NCOR2: variants seen among roughly 807,000 people sequenced by gnomAD.
NCOR2 encodes the protein nuclear receptor corepressor 2, also known as CTG repeat protein 26.
NCOR2 carries 81 observed loss-of-function variants against 262.9 expected under a neutral mutation model. The ratio of observed to expected loss-of-function variants is 0.31; its 90% CI spans 0.26 to 0.37. The LOEUF is 0.37. Among genes scored for constraint, NCOR2 ranks in the 10% least tolerant of loss-of-function variants. The pLI is 1.00. For synonymous variants in NCOR2, 1,659 were observed against 1,559.3 expected (o/e 1.06, Z -1.51); for missense variants, 3,385 against 3,621.4 (o/e 0.93, Z 1.68).
chr12:124,507,379 A>T (rs893841480), intron 1 of NCOR2, among the ~76,000 whole-genome samples: 4 of 151,976 alleles, frequency 2.6e-5, no homozygotes, highest in Admixed American at 6.5e-5. Context: ...ATTAAACAAC[A>T]CCTCCTCCAG....
intron 1 of NCOR2, among the ~76,000 whole-genome samples, chr12:124,488,802 G>A (rs765879846): frequency 9.2e-5 from 14 of 152,206 alleles, no homozygotes; most frequent in Admixed American, 1.3e-4. Context: ...CAGGGCGGAC[G>A]GTCCAGTCCC....
intron 13 of NCOR2, among the ~76,000 whole-genome samples, chr12:124,411,267 C>T (rs1000652380): frequency 1.2e-4 from 18 of 151,880 alleles, no homozygotes; most frequent in African/African-American, 4.3e-4. Context: ...TGCGCGCATA[C>T]ACACACAGAG....
chr12:124,445,819 G>C (rs550759355), intron 7 of NCOR2, among the ~76,000 whole-genome samples: 2 of 152,234 alleles, frequency 1.3e-5, no homozygotes. Flanking sequence ...AATATTTGTC[G>C]AATGAATGAG....
chr12:124,411,024 G>A (rs1384590521), intron 13 of NCOR2, among the ~76,000 whole-genome samples: 21 of 149,456 alleles, frequency 1.4e-4, no homozygotes, highest in African/African-American at 5.0e-4. Context: ...CCAGGGACAG[G>A]GTGAGGAGGG....
At position 124,549,152 on chromosome 12, in the gene NCOR2, A is replaced by C. The variant is rs2051632235; in HGVS notation, c.-164-13541T>G. Among the ~76,000 whole-genome samples, 1 of 151,950 alleles carries C rather than the reference A, an allele frequency of 6.6e-6. No individual in the cohort carries two copies. ...CTGAGCCAGGGAGCTAACCTCTCTG[A>C]GCCTTCGCTGCTTGCCTGGCAATGA... is the stretch of plus-strand genomic sequence containing the variant. On this transcript the variant is annotated intron_variant, in intron 1 of 32. Coordinates refer to the NCOR2 transcript ENST00000458234. The surrounding 1 kb of genome is among the most constrained non-coding windows in gnomAD (Gnocchi z 4.4).
exon 47 of NCOR2, chr12:124,325,387 C>CA (rs2034538671): frequency 1.5e-5 from 10 of 655,900 alleles, no homozygotes; most frequent in East Asian, 7.5e-5. Context: ...GCCCCCCCCC[C>CA]CGCCCTGTTC....
chr12:124,439,343 AGAGAGAGAGGGAGACAGAGACCCG>A (rs2044666078), intron 7 of NCOR2, among the ~76,000 whole-genome samples: 3 of 67,912 alleles, frequency 4.4e-5, no homozygotes, highest in Non-Finnish European at 6.1e-5. Flanking sequence ...ACAGAGACCC[AGAGAGAGAGGGAGACAGAGACCCG>A]GAGACAGAGG....
At chr12:124,435,712 T>A (rs1406675570) in intron 8 of NCOR2, among the ~76,000 whole-genome samples, 1 of 152,142 alleles carries the variant, frequency 6.6e-6, no homozygotes, top group Non-Finnish European at 1.5e-5. Flanking sequence ...CCCCAGGCAC[T>A]GCTCAGCCCC....
intron 6 of NCOR2, among the ~76,000 whole-genome samples, chr12:124,452,209 G>C (rs2045589746): frequency 6.6e-6 from 1 of 152,224 alleles, no homozygotes; most frequent in Non-Finnish European, 1.5e-5. Context: ...GAGGGAAGGG[G>C]TGCAGTGCAG....
Position 124,438,184 on chromosome 12 carries a change from G to A in NCOR2, c.816-188C>T, listed in dbSNP as rs532755901. Reference sequence around the variant, plus strand: ...CCAACGTGCATCCTTACTCCCCCGCGCGCGAGGCAGCCCCCGCCAACGTTT... The same window carrying A: ...CCAACGTGCATCCTTACTCCCCCGCACGCGAGGCAGCCCCCGCCAACGTTT... On this transcript the variant is annotated intron_variant, in intron 7 of 46. Transcript: ENST00000405201. Among the ~76,000 whole-genome samples the A allele has an allele frequency of 5.3e-5, 8 of 152,160 alleles. No individual in the cohort carries two copies. The South Asian group carries it at 6.2e-4, about 12-fold the overall frequency.
At chr12:124,451,820 G>A (rs967500) in intron 6 of NCOR2, among the ~76,000 whole-genome samples, 76,050 of 151,518 alleles carry the variant, frequency 0.5, 20,663 homozygotes, top group Non-Finnish European at 0.59. Context: ...TGATGACGCC[G>A]GCAGAGTGGG....
intron 7 of NCOR2, among the ~76,000 whole-genome samples, chr12:124,444,016 C>T (rs1196982965): frequency 6.6e-6 from 1 of 152,146 alleles, no homozygotes; most frequent in Non-Finnish European, 1.5e-5. Flanking sequence ...TCACACCAGC[C>T]CTCCTCACTC....
intron 32 of NCOR2, among the ~76,000 whole-genome samples, chr12:124,344,047 T>A (rs2135842358): frequency 6.6e-6 from 1 of 152,226 alleles, no homozygotes; most frequent in Admixed American, 6.5e-5. Context: ...AGAAACCCAC[T>A]AAGTAAAGAT....
chr12:124,367,195 G>A (rs2039107452), intron 20 of NCOR2, among the ~76,000 whole-genome samples: 2 of 152,172 alleles, frequency 1.3e-5, no homozygotes, highest in Admixed American at 6.5e-5. Context: ...CACCTAGTAG[G>A]GTGTGGGCAG....
chr12:124,416,588 C>A (rs1187235328), intron 13 of NCOR2, among the ~76,000 whole-genome samples: 11 of 144,164 alleles, frequency 7.6e-5, no homozygotes, highest in Admixed American at 1.4e-4. Context: ...CACAGGGAGT[C>A]CCCGCGGCAC....
intron 5 of NCOR2, among the ~76,000 whole-genome samples, chr12:124,463,909 G>A (rs2046303960): frequency 6.6e-6 from 1 of 151,448 alleles, no homozygotes; most frequent in Non-Finnish European, 1.5e-5. Context: ...CCTTCCTGCC[G>A]CCTGAATATT....
chr12:124,479,535 A>G (rs914708372), intron 3 of NCOR2, among the ~76,000 whole-genome samples: 1 of 151,736 alleles, frequency 6.6e-6, no homozygotes, highest in East Asian at 1.9e-4. Context: ...ACGCACACAC[A>G]CACCCGCACC....
At chr12:124,385,602 C>A (rs1304696342) in intron 17 of NCOR2, 143 bp downstream of exon 19, 3 of 1,272,002 alleles carry the variant, frequency 2.4e-6, no homozygotes, top group African/African-American at 1.5e-5. Context: ...CGGGCTTGAA[C>A]CCCCAGAAGC....
At chr12:124,474,948 G>A (rs1224469501) in intron 3 of NCOR2, among the ~76,000 whole-genome samples, 2 of 152,032 alleles carry the variant, frequency 1.3e-5, no homozygotes, top group Admixed American at 6.5e-5. Context: ...ACTGCAGCCC[G>A]GGGGCCACCG....
Sources: allele counts gnomAD v4.1 joint callset (sites outside exome capture counted in the v4.1 genomes callset), GRCh38; gene constraint gnomAD v4.1.1; non-coding constraint Gnocchi (gnomAD v3.1); transcripts MANE v1.5; gene names NCBI Gene and HGNC (gene_info 2026-07-23, HGNC 2026-07-21).